ITGA2B: variants seen among roughly 807,000 people sequenced by gnomAD.
ITGA2B encodes the protein integrin subunit alpha 2b, also known as integrin alpha-IIb.
Under a neutral mutation model 142.0 loss-of-function variants are expected in ITGA2B, and 91 were observed. That is an observed-to-expected ratio of 0.64 (90% CI 0.54 to 0.76). The LOEUF (loss-of-function observed/expected upper bound fraction) is 0.76. ITGA2B is among the 30% of genes least tolerant of loss of function. The pLI, the probability that ITGA2B is intolerant of heterozygous loss-of-function variation, is 0.00. For missense variants in ITGA2B, 1,231 were observed against 1,350.8 expected (o/e 0.91, Z 1.39); for synonymous variants, 536 against 567.2 (o/e 0.94, Z 0.78).
chr17:44,378,743 TG>T, intron 18 of ITGA2B, 33 bp from the exon 19 acceptor site: 1 of 1,547,426 alleles, frequency 6.5e-7, no homozygotes, highest in Non-Finnish European at 8.7e-7. Context: ...GCGGGTAAGT[TG>T]GGGATGTGTG....
chr17:44,378,267 A>T, intron 20 of ITGA2B, 95 bp downstream of exon 20: 1 of 1,440,628 alleles, frequency 6.9e-7, no homozygotes, highest in Non-Finnish European at 9.2e-7. Context: ...ACAGCAAAGC[A>T]GAAGAGAAGA....
chr17:44,385,335 C>G lies in ITGA2B; in HGVS notation c.575G>C (p.Ser192Thr). 2 of 1,610,684 alleles carry G rather than the reference C, an allele frequency of 1.2e-6. No homozygotes were observed. Among genetic ancestry groups the G allele is most frequent in the South Asian group, 1.1e-5 (1 of 90,950 alleles). Residue 192 changes from serine to threonine, a missense_variant and splice_region_variant, in exon 5 of 30, where the codon AGC becomes ACC. By Grantham distance (58) the Ser-to-Thr change is moderately conservative (BLOSUM62 1). This residue lies in a region of ITGA2B where 318 missense variants were observed against 312.2 expected (regional missense o/e 1.02). Transcript: ENST00000262407. Reference sequence around the variant, plus strand: ...CGCTTCACAGTAACGCTTGTCCCAGCCTGCAGGAGACAAGGAGGAGGGGTC... The same window carrying G: ...CGCTTCACAGTAACGCTTGTCCCAGGCTGCAGGAGACAAGGAGGAGGGGTC... ...LSRIYVENDF[S>T]WDKRYCEAGF...
chr17:44,387,826 C>CAAAA (rs980395817), intron 1 of ITGA2B, among the ~76,000 whole-genome samples: 261 of 24,258 alleles, frequency 0.011, no homozygotes, highest in African/African-American at 0.012. Context: ...AACCCCATCT[C>CAAAA]AAAAAAAAAA....
chr17:44,387,272 C>T (rs1567906643), intron 1 of ITGA2B, among the ~76,000 whole-genome samples: 1 of 152,142 alleles, frequency 6.6e-6, no homozygotes, highest in Admixed American at 6.5e-5. Flanking sequence ...CCTGTAATCC[C>T]AGTACTTTGG....
Position 44,383,922 on chromosome 17 carries a change from C to A in ITGA2B, c.970G>T (p.Val324Leu), listed in dbSNP as rs2048619752. 1 of 1,613,932 alleles carries A rather than the reference C, an allele frequency of 6.2e-7. No individual in the cohort carries two copies. Among genetic ancestry groups the A allele is most frequent in the Non-Finnish European group, 8.5e-7 (1 of 1,180,032 alleles). ...TCCCCGTTGACGTCAGTGACAGCCA[C>A]TGAATGCCCAAAATACGACGCCATC... Reference protein sequence around the residue: ...EQMASYFGHSVAVTDVNGDGR... With the variant: ...EQMASYFGHSLAVTDVNGDGR... The change falls in exon 11 of 30, where the codon GTG becomes TTG. Residue 324 changes from valine (V) to leucine (L), a missense_variant. Around this residue, in one of 3 missense-constraint regions of ITGA2B, gnomAD observed 908 missense variants for 1,021.1 expected, o/e 0.89. Coordinates refer to ENST00000262407, the MANE Select transcript of ITGA2B (RefSeq NM_000419.5).
intron 17 of ITGA2B, 58 bp from the exon 18 acceptor site, chr17:44,379,872 G>A (rs573650715): frequency 6.2e-7 from 1 of 1,612,880 alleles, no homozygotes; most frequent in Non-Finnish European, 8.5e-7. Flanking sequence ...ACCTTCTCCT[G>A]GCCAGTAGGC....
chr17:44,383,693 A>G lies in ITGA2B; in HGVS notation c.1010T>C (p.Leu337Pro). 1 of 1,578,650 alleles carries G rather than the reference A, an allele frequency of 6.3e-7. No homozygotes were observed. The highest frequency in any genetic ancestry group is 8.6e-7 in the Non-Finnish European group (1 of 1,161,564). ...CATATACAGTGGAGCGCCCACCAGC[A>G]GATCATGCCTCCTGTGGGCCAGATG... ...TDVNGDGRHDLLVGAPLYMES... is the reference protein window; with the variant it reads ...TDVNGDGRHDPLVGAPLYMES... Residue 337 changes from leucine (L) to proline (P), a missense_variant, in exon 12 of 30, where the codon CTG becomes CCG. This residue lies in a region of ITGA2B where 908 missense variants were observed against 1,021.1 expected (regional missense o/e 0.89). Coordinates refer to ENST00000262407, the MANE Select transcript of ITGA2B (RefSeq NM_000419.5).
chr17:44,385,958 G>T (rs373872991), intron 2 of ITGA2B, 37 bp from the exon 3 acceptor site: 21 of 1,613,984 alleles, frequency 1.3e-5, no homozygotes, highest in Non-Finnish European at 1.7e-5. Flanking sequence ...GCTGAAGCCC[G>T]GCAGTCCACG....
Position 44,375,042 on chromosome 17 carries a change from T to C in ITGA2B, c.2797A>G (p.Met933Val), listed in dbSNP as rs1415281578. The C allele has an allele frequency of 2.2e-5, 30 of 1,347,350 alleles. No individual in the cohort carries two copies. Among genetic ancestry groups the C allele is most frequent in the Non-Finnish European group, 2.9e-5 (30 of 1,022,140 alleles). 83.5% of individuals were successfully genotyped at this position (1,347,350 alleles called of 1,614,324 possible). Residue 933 changes from methionine (M) to valine (V), a missense_variant, in exon 27 of 30, where the codon ATG becomes GTG. Physicochemically the swap from Met to Val is conservative, Grantham distance 21 (BLOSUM62 1). Transcript: ENST00000262407. ...CACAGGAAGGCCAGCACCGTGACCA[T>C]GGCCCGCTGCCCGCGCGCCATCTCC... ...LQEMARGQRAMVTVLAFLWLP... is the reference protein window; with the variant it reads ...LQEMARGQRAVVTVLAFLWLP...
At position 44,372,427 on chromosome 17, in the gene ITGA2B, G is replaced by T. The variant is rs530669664; in HGVS notation, c.3061-4C>A. On this transcript the variant is annotated splice_polypyrimidine_tract_variant and splice_region_variant and intron_variant, in intron 29 of 29. Coordinates refer to ENST00000262407, the MANE Select transcript of ITGA2B (RefSeq NM_000419.5). ...GGTTCCGCTTGAAGAAGCCGACCTG[G>T]GGGTACACGGGGGCCAAGGTCAGGG... The T allele has an allele frequency of 6.2e-7, 1 of 1,613,884 alleles. No homozygotes were observed. The highest frequency in any genetic ancestry group is 8.5e-7 in the Non-Finnish European group (1 of 1,179,910).
chr17:44,372,917 G>A (rs1009380291), intron 29 of ITGA2B, among the ~76,000 whole-genome samples: 3 of 151,936 alleles, frequency 2.0e-5, no homozygotes, highest in South Asian at 2.1e-4. Context: ...CACTGTGCCC[G>A]GCCTCTGAAT....
At chr17:44,373,330 G>T (rs1277060444) in intron 29 of ITGA2B, among the ~76,000 whole-genome samples, 1 of 152,030 alleles carries the variant, frequency 6.6e-6, no homozygotes, top group East Asian at 1.9e-4. Flanking sequence ...TAGAGATGGG[G>T]TTTCACCATG....
chr17:44,389,593 G>T lies in ITGA2B; in HGVS notation c.-120C>A. The T allele has an allele frequency of 8.6e-7, 1 of 1,161,558 alleles. No homozygotes were observed. Among genetic ancestry groups the T allele is most frequent in the Non-Finnish European group, 1.2e-6 (1 of 808,344 alleles). The allele number at this position is 1,161,558 out of a possible 1,614,324, so 72.0% of individuals were successfully genotyped here. On this transcript the variant is annotated 5_prime_UTR_variant, in exon 1 of 30. Transcript: ENST00000262407. ...AACCCCAAGTAACTTGCTGAGCAAC[G>T]GGCAGAGCAAAGGGCTATAGCCCCT...
chr17:44,389,641 C>T lies in ITGA2B; in HGVS notation c.-168G>A. ...CCTGGACTCATGGTGGCTAGAATTG[C>T]CAGGAAGTGGGTGAGGCCACCCAGA... On this transcript the variant is annotated 5_prime_UTR_variant, in exon 1 of 30. Coordinates refer to ENST00000262407, the MANE Select transcript of ITGA2B (RefSeq NM_000419.5). 1.3e-6 allele frequency: 1 copy of T among 755,024 alleles called. No homozygotes were observed. The highest frequency in any genetic ancestry group is 1.8e-5 in the South Asian group (1 of 56,078). The allele number at this position is 755,024 out of a possible 1,614,324, so 46.8% of individuals were successfully genotyped here.
rs775563949 is a variant in ITGA2B at position 44,384,293 on chromosome 17, A to G, written c.891+18T>C. 1.9e-6 allele frequency: 3 copies of G among 1,612,840 alleles called. No individual in the cohort carries two copies. In the East Asian group the frequency reaches 6.7e-5, roughly 36 times the overall value. Reference sequence around the variant, plus strand: ...TGGGATAAGGGGCTTCGGGAGGCCCAGTGGTGGGGGCACTTACCGCTCCCA... The same window carrying G: ...TGGGATAAGGGGCTTCGGGAGGCCCGGTGGTGGGGGCACTTACCGCTCCCA... On this transcript the variant is annotated intron_variant, in intron 9 of 29. Coordinates refer to ENST00000262407, the MANE Select transcript of ITGA2B (RefSeq NM_000419.5).
At chr17:44,378,829 T>G in intron 18 of ITGA2B, 119 bp from the exon 19 acceptor site, 2 of 849,862 alleles carry the variant, frequency 2.4e-6, no homozygotes, top group Non-Finnish European at 1.9e-6. Context: ...AGTAAGAAGA[T>G]CTGAGGACGA....
intron 11 of ITGA2B, 77 bp downstream of exon 11, chr17:44,383,817 G>A (rs1299370606): frequency 3.8e-6 from 6 of 1,584,206 alleles, no homozygotes; most frequent in Non-Finnish European, 5.2e-6. Flanking sequence ...TGAGACTAGG[G>A]CTAGGAAAGG....
intron 29 of ITGA2B, chr17:44,373,812 C>G (rs2048516016): frequency 5.5e-6 from 1 of 182,428 alleles, no homozygotes; most frequent in Non-Finnish European, 1.2e-5. Flanking sequence ...CAGGTGCTAT[C>G]CTTTCCAGTG....
In ITGA2B at chr17:44,380,148, T is replaced by G. The variant is rs779647771; in HGVS notation, c.1606A>C (p.Asn536His). Residue 536 changes from asparagine to histidine, a missense_variant, in exon 17 of 30, where the codon AAT becomes CAT. This residue lies in a region of ITGA2B where 908 missense variants were observed against 1,021.1 expected (regional missense o/e 0.89). Coordinates refer to ENST00000262407, the MANE Select transcript of ITGA2B (RefSeq NM_000419.5). ...TGCCGGTCCAGCTGCAGCTCGGCATTTAGGGCTGGCAGGGCAAGCAGAAGA... is the reference window on the plus strand; with the variant it reads ...TGCCGGTCCAGCTGCAGCTCGGCATGTAGGGCTGGCAGGGCAAGCAGAAGA... ...GHNIPQKLSLNAELQLDRQKP... is the reference protein window; with the variant it reads ...GHNIPQKLSLHAELQLDRQKP... 1.5e-5 allele frequency: 25 copies of G among 1,613,516 alleles called. No individual in the cohort carries two copies. Among genetic ancestry groups the G allele is most frequent in the Non-Finnish European group, 1.9e-5 (23 of 1,179,938 alleles).
Sources: allele counts gnomAD v4.1 joint callset (sites outside exome capture counted in the v4.1 genomes callset), GRCh38; gene constraint gnomAD v4.1.1; regional missense constraint gnomAD v4.1.1; transcripts MANE v1.5; gene names NCBI Gene and HGNC (gene_info 2026-07-23, HGNC 2026-07-21).